ANXA11: variants seen among roughly 807,000 people sequenced by gnomAD.
The protein encoded by ANXA11 is 56 kDa autoantigen.
In ANXA11, 57 loss-of-function variants were observed where a neutral mutation model predicts 64.7. That is an observed-to-expected ratio of 0.88 (90% CI 0.71 to 1.10). ANXA11 has a LOEUF of 1.10. Ranked by LOEUF, ANXA11 falls within the 50% of genes least tolerant of loss-of-function variation. The probability of loss-of-function intolerance (pLI) is 0.00; values close to 1 mark genes in which losing one functional copy is unlikely to be tolerated. For synonymous variants in ANXA11, 260 were observed against 265.2 expected (o/e 0.98, Z 0.19); for missense variants, 675 against 670.7 (o/e 1.01, Z -0.07).
intron 8 of ANXA11, among the ~76,000 whole-genome samples, chr10:80,165,714 G>A (rs111378886): frequency 2.2e-4 from 33 of 152,238 alleles, no homozygotes; most frequent in African/African-American, 7.5e-4. Context: ...TCATTTGCTA[G>A]TAACAGAGTC....
At chr10:80,178,643 G>C (rs753940926) in intron 1 of ANXA11, among the ~76,000 whole-genome samples, 1 of 152,230 alleles carries the variant, frequency 6.6e-6, no homozygotes, top group Non-Finnish European at 1.5e-5. Context: ...TATAGGGCTT[G>C]TTAAAACACA....
intron 1 of ANXA11, among the ~76,000 whole-genome samples, chr10:80,196,783 A>G (rs1564627627): frequency 6.6e-6 from 1 of 152,030 alleles, no homozygotes; most frequent in Non-Finnish European, 1.5e-5. Flanking sequence ...TCAACTCCCC[A>G]CCCACATGCC....
In ANXA11 at chr10:80,167,242, C is replaced by A; in HGVS notation, c.633G>T (p.Lys211Asn). ...DPLRDAEVLRKAMKGFGTDEQ... is the reference protein window; with the variant it reads ...DPLRDAEVLRNAMKGFGTDEQ... The stretch of plus-strand genomic sequence containing the variant: ...GTCTCTTACCGAAGCCTTTCATGGC[C>A]TTCCGCAGGACCTCGGCATCTCGCA... Residue 211 changes from lysine (K) to asparagine (N), a missense_variant, in exon 6 of 16, where the codon AAG becomes AAT. Transcript: ENST00000422982. 3.7e-6 allele frequency: 6 copies of A among 1,614,150 alleles called. No individual in the cohort carries two copies. Among genetic ancestry groups the A allele is most frequent in the Non-Finnish European group, 5.1e-6 (6 of 1,180,022 alleles).
intron 1 of ANXA11, among the ~76,000 whole-genome samples, chr10:80,178,210 GCTCTCTCTCT>G (rs3060571): frequency 2.0e-5 from 3 of 149,168 alleles, no homozygotes; most frequent in Non-Finnish European, 3.0e-5. Flanking sequence ...CAGAAGATCT[GCTCTCTCTCT>G]CTCTCTCTCT....
chr10:80,186,285 A>G (rs529416263), intron 1 of ANXA11, among the ~76,000 whole-genome samples: 6 of 151,602 alleles, frequency 4.0e-5, no homozygotes, highest in African/African-American at 1.5e-4. Context: ...AACTGTGGGG[A>G]CTGAAGGGGG....
At chr10:80,156,991 T>C in intron 15 of ANXA11, 2 of 985,428 alleles carry the variant, frequency 2.0e-6, no homozygotes, top group Non-Finnish European at 2.4e-6. Context: ...CAGCTGAGAA[T>C]GTATTTTGTC....
intron 1 of ANXA11, among the ~76,000 whole-genome samples, chr10:80,190,111 T>TG (rs1725479539): frequency 6.6e-6 from 1 of 152,162 alleles, no homozygotes; most frequent in Non-Finnish European, 1.5e-5. Context: ...AGGGCTCAGG[T>TG]AAGAGGGAAT....
chr10:80,180,039 T>A (rs1328454967), intron 1 of ANXA11, among the ~76,000 whole-genome samples: 2 of 152,180 alleles, frequency 1.3e-5, no homozygotes, highest in Admixed American at 1.3e-4. Flanking sequence ...CTGGGGGTGC[T>A]TCTCAGTGGC....
At chr10:80,171,530 T>A (rs953896175) in intron 3 of ANXA11, 11 of 799,606 alleles carry the variant, frequency 1.4e-5, no homozygotes, top group Non-Finnish European at 1.7e-5. Flanking sequence ...GCTTTCACCC[T>A]CCTTAGGCTT....
chr10:80,158,956 C>T lies in ANXA11; in HGVS notation c.1276+144G>A, dbSNP rs112098048. On this transcript the variant is annotated intron_variant, in intron 13 of 15. Transcript: ENST00000422982. Reference sequence around the variant, plus strand: ...ACCGGGAAGCAGCATGACTTCCCAGCATCTGGACACTCTGGGCTGAGCGAT... The same window carrying T: ...ACCGGGAAGCAGCATGACTTCCCAGTATCTGGACACTCTGGGCTGAGCGAT... 36 of 647,382 alleles carry T rather than the reference C, an allele frequency of 5.6e-5. No individual in the cohort carries two copies. In the African/African-American group the frequency reaches 5.6e-4, roughly 10 times the overall value. The allele number at this position is 647,382 out of a possible 1,614,324, so 40.1% of individuals were successfully genotyped here.
At chr10:80,160,265 T>C (rs568205632) in intron 12 of ANXA11, among the ~76,000 whole-genome samples, 1 of 152,318 alleles carries the variant, frequency 6.6e-6, no homozygotes. Flanking sequence ...AAAGAAATAA[T>C]GATTAAGATG....
rs1357198919 is a variant in ANXA11 at position 80,167,272 on chromosome 10, G to T, written c.603C>A (p.Asp201Glu). 1 of 1,614,166 alleles carries T rather than the reference G, an allele frequency of 6.2e-7. No homozygotes were observed. Among genetic ancestry groups the T allele is most frequent in the East Asian group, 2.2e-5 (1 of 44,872 alleles). ...GCAGGACCTCGGCATCTCGCAGGGG[G>T]TCAAAGCCGGGAGCATCAGTGATGG... ...RGTITDAPGF[D>E]PLRDAEVLRK... Residue 201 changes from aspartate to glutamate, a missense_variant, in exon 6 of 16, where the codon GAC becomes GAA. Asp to Glu is a conservative substitution (Grantham distance 45). Coordinates refer to ENST00000422982, the MANE Select transcript of ANXA11 (RefSeq NM_145868.2).
chr10:80,199,127 T>C (rs1458470871), intron 1 of ANXA11, among the ~76,000 whole-genome samples: 1 of 151,078 alleles, frequency 6.6e-6, no homozygotes, highest in Non-Finnish European at 1.5e-5. Context: ...GACCAAGTCT[T>C]GATCTGTCGT....
intron 1 of ANXA11, among the ~76,000 whole-genome samples, chr10:80,184,795 G>A (rs942697008): frequency 6.6e-6 from 1 of 152,284 alleles, no homozygotes; most frequent in Non-Finnish European, 1.5e-5. Flanking sequence ...TCTACCTAGT[G>A]GTGATGCTGC....
intron 11 of ANXA11, among the ~76,000 whole-genome samples, chr10:80,163,059 A>G (rs1373900470): frequency 2.0e-5 from 3 of 152,172 alleles, no homozygotes; most frequent in Admixed American, 2.0e-4. Flanking sequence ...AAACATGGGG[A>G]AAGTACGCTG....
intron 15 of ANXA11, chr10:80,156,531 T>G (rs767063414): frequency 2.0e-4 from 93 of 463,474 alleles, no homozygotes; most frequent in Non-Finnish European, 3.9e-4. Context: ...TTTTTTTTTT[T>G]GAGACGAAGT....
intron 1 of ANXA11, among the ~76,000 whole-genome samples, chr10:80,182,955 G>A (rs1033639310): frequency 1.2e-4 from 18 of 152,018 alleles, no homozygotes; most frequent in Admixed American, 2.0e-4. Flanking sequence ...GGTCAGTGTG[G>A]GGAAAAAAAA....
At chr10:80,158,341 G>A (rs1346915370) in intron 13 of ANXA11, among the ~76,000 whole-genome samples, 1 of 152,174 alleles carries the variant, frequency 6.6e-6, no homozygotes, top group African/African-American at 2.4e-5. Flanking sequence ...GGATGGTGAT[G>A]AGGAACTGTG....
chr10:80,181,903 T>C lies in ANXA11; in HGVS notation c.-57-5748A>G, dbSNP rs145110685. On this transcript the variant is annotated intron_variant, in intron 1 of 15. Coordinates refer to ENST00000422982, the MANE Select transcript of ANXA11 (RefSeq NM_145868.2). ...TGGTTTCTTACAAAACTAAACATAG[T>C]TTTACCAATGATCCAGCAATCATGC... is the stretch of plus-strand genomic sequence containing the variant. Among the ~76,000 whole-genome samples the C allele has an allele frequency of 1.9e-3, 291 of 152,266 alleles. 1 individual carries two copies. Among genetic ancestry groups the C allele is most frequent in the African/African-American group, 6.6e-3 (273 of 41,548 alleles).
Sources: gnomAD v4.1 joint callset for allele counts (sites outside exome capture counted in the v4.1 genomes callset) on GRCh38, gnomAD v4.1.1 for gene constraint, MANE v1.5 for transcripts, NCBI Gene and HGNC (gene_info 2026-07-23, HGNC 2026-07-21) for gene names.